Variants in PRELID2 observed in about 807,000 individuals in gnomAD.
PRELID2 encodes PRELI domain-containing protein 2.
In PRELID2, 25 loss-of-function variants were observed where a neutral mutation model predicts 28.4. That is an observed-to-expected ratio of 0.88 (90% CI 0.64 to 1.23). The LOEUF (loss-of-function observed/expected upper bound fraction) is 1.23. Ranked by LOEUF, PRELID2 falls within the 50% of genes most tolerant of loss-of-function variation. The pLI is 0.00. For missense variants in PRELID2, 201 were observed against 214.4 expected (o/e 0.94, Z 0.39); for synonymous variants, 76 against 71.6 (o/e 1.06, Z -0.31).
intron 1 of PRELID2, among the ~76,000 whole-genome samples, chr5:145,515,268 T>C (rs1396051754): frequency 6.6e-6 from 1 of 151,682 alleles, no homozygotes; most frequent in Admixed American, 6.6e-5. Flanking sequence ...TAATAAAGAA[T>C]AAAAGAGAGA....
chr5:145,441,368 A>G, the PRELID2 span, among the ~76,000 whole-genome samples: 11 of 152,096 alleles, frequency 7.2e-5, no homozygotes, highest in Non-Finnish European at 1.6e-4. Context: ...GATACTAACC[A>G]TCAGCCATGC....
At chr5:145,383,142 T>TG in the PRELID2 span, among the ~76,000 whole-genome samples, 3 of 149,166 alleles carry the variant, frequency 2.0e-5, no homozygotes, top group South Asian at 2.2e-4. Flanking sequence ...CTAAAACATG[T>TG]GGGAAAAAAA....
At chr5:145,581,389 C>T (rs986858721) in intron 1 of PRELID2, among the ~76,000 whole-genome samples, 3 of 152,062 alleles carry the variant, frequency 2.0e-5, no homozygotes, top group African/African-American at 7.2e-5. Flanking sequence ...TCTGGTATTG[C>T]GCAGACATGC....
At chr5:145,539,880 C>CTA (rs1752731974) in intron 1 of PRELID2, among the ~76,000 whole-genome samples, 1 of 151,496 alleles carries the variant, frequency 6.6e-6, no homozygotes, top group Admixed American at 6.6e-5. Flanking sequence ...ATGATTGGAA[C>CTA]TATGAAAAAT....
At chr5:145,456,096 G>A in the PRELID2 span, among the ~76,000 whole-genome samples, 6 of 152,152 alleles carry the variant, frequency 3.9e-5, no homozygotes, top group African/African-American at 9.7e-5. Context: ...TTTGGCTTAC[G>A]AATGCTACTA....
the PRELID2 span, among the ~76,000 whole-genome samples, chr5:145,411,860 G>C: frequency 6.6e-6 from 1 of 152,194 alleles, no homozygotes; most frequent in Non-Finnish European, 1.5e-5. Flanking sequence ...CTCAGTTCTT[G>C]TCTTCTGCAC....
the PRELID2 span, among the ~76,000 whole-genome samples, chr5:145,230,650 T>A: frequency 6.6e-6 from 1 of 152,144 alleles, no homozygotes; most frequent in African/African-American, 2.4e-5. Context: ...AGGCTAGTAC[T>A]GTGTGATTAA....
chr5:145,715,511 C>T (rs942268543), intron 1 of PRELID2, among the ~76,000 whole-genome samples: 1 of 152,180 alleles, frequency 6.6e-6, no homozygotes, highest in African/African-American at 2.4e-5. Flanking sequence ...AATCAAGTTA[C>T]TCTCCTACTT....
intron 1 of PRELID2, among the ~76,000 whole-genome samples, chr5:145,490,699 G>C (rs1580956615): frequency 6.6e-6 from 1 of 151,986 alleles, no homozygotes; most frequent in Admixed American, 6.6e-5. Context: ...CTGTTGTTTT[G>C]TTTCACCTAT....
chr5:145,804,468 C>T lies in PRELID2; in HGVS notation c.369-7921G>A, dbSNP rs112600222. Reference sequence around the variant, plus strand: ...GAGGTTGTGGTGAGCCGAGATCACGCCATTGCACTCCAGTCTGGGCAGCAG... The same window carrying T: ...GAGGTTGTGGTGAGCCGAGATCACGTCATTGCACTCCAGTCTGGGCAGCAG... On this transcript the variant is annotated intron_variant, in intron 4 of 6. Transcript: ENST00000683046. Among the ~76,000 whole-genome samples the T allele has an allele frequency of 5.3e-3, 806 of 152,146 alleles. 8 individuals carry two copies. The highest frequency in any genetic ancestry group is 0.016 in the East Asian group (84 of 5,174).
intron 1 of PRELID2, among the ~76,000 whole-genome samples, chr5:145,629,681 T>A: frequency 6.6e-6 from 1 of 152,178 alleles, no homozygotes; most frequent in East Asian, 1.9e-4. Flanking sequence ...AATATTGCTG[T>A]GTTACCTGCC....
At chr5:145,358,038 C>T in the PRELID2 span, among the ~76,000 whole-genome samples, 2 of 151,986 alleles carry the variant, frequency 1.3e-5, no homozygotes, top group Admixed American at 1.3e-4. Flanking sequence ...TCTCTGATTA[C>T]TGTCTCCATG....
chr5:145,683,748 G>A (rs1326815715), intron 1 of PRELID2, among the ~76,000 whole-genome samples: 1 of 152,148 alleles, frequency 6.6e-6, no homozygotes, highest in African/African-American at 2.4e-5. Context: ...CACATGAATT[G>A]TAGGAGAGAG....
intron 1 of PRELID2, among the ~76,000 whole-genome samples, chr5:145,496,872 T>G (rs1303008227): frequency 6.6e-6 from 1 of 151,798 alleles, no homozygotes; most frequent in Admixed American, 6.6e-5. Context: ...GTTTTGTTCG[T>G]TTTTTTTAGA....
chr5:145,636,822 C>A (rs1754009322), intron 1 of PRELID2, among the ~76,000 whole-genome samples: 1 of 152,312 alleles, frequency 6.6e-6, no homozygotes, highest in East Asian at 1.9e-4. Context: ...ACCCAGTGAT[C>A]AAACCGTAGC....
intron 1 of PRELID2, among the ~76,000 whole-genome samples, chr5:145,618,472 C>A (rs1025297335): frequency 6.6e-6 from 1 of 152,172 alleles, no homozygotes; most frequent in African/African-American, 2.4e-5. Context: ...AGCCACTCAG[C>A]AAGTCTACCA....
intron 1 of PRELID2, among the ~76,000 whole-genome samples, chr5:145,579,527 A>C (rs933955590): frequency 6.6e-6 from 1 of 152,098 alleles, no homozygotes; most frequent in Non-Finnish European, 1.5e-5. Flanking sequence ...GTCAAGTTTC[A>C]GGTTTATTGA....
At chr5:145,723,039 T>C (rs1581099592) in intron 1 of PRELID2, among the ~76,000 whole-genome samples, 1 of 152,144 alleles carries the variant, frequency 6.6e-6, no homozygotes, top group Non-Finnish European at 1.5e-5. Context: ...CAAAAATCAT[T>C]GTATGAAGCA....
Position 145,757,820 on chromosome 5 carries a change from A to AC in PRELID2, c.*2715_*2716insG, listed in dbSNP as rs1418151468. Among the ~76,000 whole-genome samples the AC allele has an allele frequency of 6.6e-6, 1 of 151,676 alleles. No homozygotes were observed. The highest frequency in any genetic ancestry group is 2.4e-5 in the African/African-American group (1 of 41,332). ...CTATCTCAAAAAAAAGTAAATGAAA[A>AC]AAAAAAAAAAAAAGACCATAAAATT... On this transcript the variant is annotated 3_prime_UTR_variant, in exon 7 of 7. Transcript: ENST00000683046.
Sources: gnomAD v4.1 joint callset for allele counts (sites outside exome capture counted in the v4.1 genomes callset) on GRCh38, gnomAD v4.1.1 for gene constraint, MANE v1.5 for transcripts, NCBI Gene and HGNC (gene_info 2026-07-23, HGNC 2026-07-21) for gene names.